LRGUK: variants seen among roughly 807,000 people sequenced by gnomAD.
The protein encoded by LRGUK is leucine rich repeats and guanylate kinase domain containing.
A neutral mutation model predicts 76.0 loss-of-function variants in LRGUK; 65 were observed. The ratio of observed to expected loss-of-function variants is 0.85; its 90% confidence interval spans 0.70 to 1.05. The LOEUF is 1.05. Among genes scored for constraint, LRGUK ranks in the 50% least tolerant of loss-of-function variants. The pLI, the probability that LRGUK is intolerant of heterozygous loss-of-function variation, is 0.00. For synonymous variants in LRGUK, 268 were observed against 265.6 expected (o/e 1.01, Z -0.09); for missense variants, 758 against 732.8 (o/e 1.03, Z -0.40).
chr7:134,206,691 A>G (rs1193450744), intron 15 of LRGUK, among the ~76,000 whole-genome samples: 1 of 152,154 alleles, frequency 6.6e-6, no homozygotes, highest in Non-Finnish European at 1.5e-5. Flanking sequence ...AATAGTTTCT[A>G]CAAAATAAGG....
downstream of LRGUK, among the ~76,000 whole-genome samples, chr7:134,267,874 T>A (rs530685343): frequency 6.6e-6 from 1 of 152,010 alleles, no homozygotes; most frequent in African/African-American, 2.4e-5. Flanking sequence ...CTCAGCATCA[T>A]GCAATATGCC....
chr7:134,231,924 C>CCCTTCTTCCCTTCTTTTG (rs1448366974), intron 16 of LRGUK, among the ~76,000 whole-genome samples: 2 of 151,842 alleles, frequency 1.3e-5, no homozygotes, highest in African/African-American at 4.8e-5. Flanking sequence ...CCCTTCCCAT[C>CCCTTCTTCCCTTCTTTTG]CCTTCTTCCC....
the LRGUK span, among the ~76,000 whole-genome samples, chr7:134,273,544 G>A: frequency 0.14 from 21,558 of 151,694 alleles, 3,891 homozygotes; most frequent in African/African-American, 0.42. Context: ...AGTGAGTCCA[G>A]TGTGCAAATA....
At chr7:134,195,846 A>C (rs1484408320) in intron 12 of LRGUK, among the ~76,000 whole-genome samples, 1 of 152,216 alleles carries the variant, frequency 6.6e-6, no homozygotes. Context: ...TTTGGAATAT[A>C]TAACATAAAC....
At chr7:134,166,738 C>G (rs770312072) in intron 7 of LRGUK, among the ~76,000 whole-genome samples, 5 of 152,148 alleles carry the variant, frequency 3.3e-5, no homozygotes, top group Admixed American at 1.3e-4. Flanking sequence ...GACCATTATT[C>G]CACTCAATTT....
intron 15 of LRGUK, among the ~76,000 whole-genome samples, chr7:134,206,586 G>T (rs1205261044): frequency 6.6e-6 from 1 of 151,122 alleles, no homozygotes; most frequent in Non-Finnish European, 1.5e-5. Context: ...ATGTGTGTGT[G>T]TGTATATATA....
chr7:134,201,726 A>G, intron 15 of LRGUK, 150 bp downstream of exon 15: 1 of 593,774 alleles, frequency 1.7e-6, no homozygotes, highest in South Asian at 2.0e-5. Context: ...CCCCAAAACA[A>G]GCAGCATGAG....
chr7:134,217,181 G>A (rs1293384758), intron 15 of LRGUK, among the ~76,000 whole-genome samples: 1 of 145,400 alleles, frequency 6.9e-6, no homozygotes, highest in African/African-American at 2.6e-5. Context: ...GGAATTCTGG[G>A]CCTTATTGCT....
At chr7:134,139,452 A>T (rs2116832200) in exon 3 of LRGUK, 1 of 1,608,806 alleles carries the variant, frequency 6.2e-7, no homozygotes, top group East Asian at 2.2e-5. Context: ...AATTTAATTG[A>T]TGTTAGCATT....
chr7:134,148,654 G>A (rs1238576116), intron 5 of LRGUK, among the ~76,000 whole-genome samples: 1 of 152,124 alleles, frequency 6.6e-6, no homozygotes, highest in African/African-American at 2.4e-5. Context: ...AGTCGGGTGC[G>A]TTGGCTCACA....
chr7:134,210,359 T>A (rs1331106967), downstream of LRGUK: 3 of 397,984 alleles, frequency 7.5e-6, no homozygotes, highest in South Asian at 1.4e-4. Context: ...AGCCATCACC[T>A]AAGACCCCCA....
chr7:134,135,851 T>G (rs1797510622), intron 1 of LRGUK, among the ~76,000 whole-genome samples: 1 of 152,166 alleles, frequency 6.6e-6, no homozygotes, highest in Non-Finnish European at 1.5e-5. Context: ...AGAGACGGGG[T>G]TTCACCGTGT....
At chr7:134,160,892 T>C (rs1798698976) in intron 6 of LRGUK, among the ~76,000 whole-genome samples, 1 of 152,226 alleles carries the variant, frequency 6.6e-6, no homozygotes, top group Admixed American at 6.5e-5. Flanking sequence ...TGTCCACTTT[T>C]AGGAGAGATA....
chr7:134,162,710 C>T (rs577853712), intron 6 of LRGUK, among the ~76,000 whole-genome samples: 1 of 151,662 alleles, frequency 6.6e-6, no homozygotes, highest in South Asian at 2.1e-4. Context: ...GCCTGTAGTC[C>T]CAGGTACTTG....
intron 4 of LRGUK, among the ~76,000 whole-genome samples, chr7:134,146,567 A>AT (rs1212335976): frequency 6.6e-6 from 1 of 152,080 alleles, no homozygotes; most frequent in Admixed American, 6.5e-5. Flanking sequence ...TGGTGTTCTG[A>AT]TTTTTTTAAT....
downstream of LRGUK, among the ~76,000 whole-genome samples, chr7:134,211,994 T>G (rs1801293799): frequency 6.6e-6 from 1 of 152,216 alleles, no homozygotes; most frequent in African/African-American, 2.4e-5. Context: ...TTTCTCCATG[T>G]TGGCTTCATT....
In LRGUK at chr7:134,201,436, T is replaced by C. The variant is rs1800764110; in HGVS notation, c.1748-45T>C. On this transcript the variant is annotated intron_variant, in intron 14 of 15. Transcript: ENST00000645682. Reference sequence around the variant, plus strand: ...CACCGATAGTTGAACATCAACTGTATTGGATGTGATCCTGTTGCTTTAAAA... The same window carrying C: ...CACCGATAGTTGAACATCAACTGTACTGGATGTGATCCTGTTGCTTTAAAA... 5 of 1,407,060 alleles carry C rather than the reference T, an allele frequency of 3.6e-6. No individual in the cohort carries two copies. The East Asian group carries it at 9.1e-5, about 26-fold the overall frequency. The allele number at this position is 1,407,060 out of a possible 1,614,324, so 87.2% of individuals were successfully genotyped here.
chr7:134,197,199 T>A (rs1006761848), intron 13 of LRGUK, 94 bp downstream of exon 13: 3 of 702,920 alleles, frequency 4.3e-6, no homozygotes, highest in African/African-American at 1.8e-5. Context: ...ATGTATAAAC[T>A]TTTTACTGAT....
chr7:134,241,603 A>G (rs1802155006), intron 16 of LRGUK, among the ~76,000 whole-genome samples: 1 of 152,144 alleles, frequency 6.6e-6, no homozygotes, highest in Admixed American at 6.5e-5. Context: ...CAAAATAATA[A>G]TGGGAGACTT....
Sources: allele counts gnomAD v4.1 joint callset (sites outside exome capture counted in the v4.1 genomes callset), GRCh38; gene constraint gnomAD v4.1.1; transcripts MANE v1.5; gene names NCBI Gene and HGNC (gene_info 2026-07-23, HGNC 2026-07-21).